Variants in BRINP3 observed in about 807,000 individuals in gnomAD.
BRINP3 encodes the protein BMP/retinoic acid-inducible neural-specific protein 3.
A neutral mutation model predicts 71.0 loss-of-function variants in BRINP3; 19 were observed. The observed-to-expected ratio is 0.27, with a 90% confidence interval of 0.19 to 0.39. The LOEUF (loss-of-function observed/expected upper bound fraction) is 0.39. Among genes scored for constraint, BRINP3 ranks in the 10% least tolerant of loss-of-function variants. The probability of loss-of-function intolerance (pLI) is 1.00; values close to 1 mark genes in which losing one functional copy is unlikely to be tolerated. For synonymous variants in BRINP3, 380 were observed against 337.7 expected (o/e 1.13, Z -1.37); for missense variants, 959 against 940.8 (o/e 1.02, Z -0.25).
rs567872427 is a variant in BRINP3, at chr1:190,475,447, G to A, written c.-51+2001C>T. Among the ~76,000 whole-genome samples, 3 of 152,312 alleles carry A rather than the reference G, an allele frequency of 2.0e-5. No homozygotes were observed. The East Asian group carries it at 5.8e-4, about 29-fold the overall frequency. On this transcript the variant is annotated intron_variant, in intron 1 of 7. Coordinates refer to ENST00000367462, the MANE Select transcript of BRINP3 (RefSeq NM_199051.3). ...CTGGCGCACCCCACTCTATGGGGCT[G>A]CAAATGCCCACACCAAGCACACGTT...
intron 7 of BRINP3, among the ~76,000 whole-genome samples, chr1:190,131,437 C>T (rs1654536978): frequency 6.6e-6 from 1 of 152,000 alleles, no homozygotes; most frequent in Non-Finnish European, 1.5e-5. Flanking sequence ...ATATCTCTGT[C>T]AATGTAGATT....
At chr1:190,452,626 CG>C (rs1675690262) in intron 2 of BRINP3, among the ~76,000 whole-genome samples, 1 of 152,078 alleles carries the variant, frequency 6.6e-6, no homozygotes, top group Non-Finnish European at 1.5e-5. Flanking sequence ...TAGGAGGCCA[CG>C]GCAGGCGGAT....
intron 6 of BRINP3, among the ~76,000 whole-genome samples, chr1:190,218,178 C>A (rs534476107): frequency 6.6e-6 from 1 of 151,650 alleles, no homozygotes; most frequent in African/African-American, 2.4e-5. Flanking sequence ...CCAAAAGAGC[C>A]TCCCAGACTC....
chr1:190,402,215 A>G (rs1671974915), intron 2 of BRINP3, among the ~76,000 whole-genome samples: 1 of 152,128 alleles, frequency 6.6e-6, no homozygotes, highest in South Asian at 2.1e-4. Flanking sequence ...TTTTTTCCTC[A>G]AAATGGAATT....
chr1:190,189,024 T>G (rs1653798094), intron 6 of BRINP3, among the ~76,000 whole-genome samples: 1 of 152,118 alleles, frequency 6.6e-6, no homozygotes. Context: ...CCTCCCAAAG[T>G]GCTGGGATTA....
At chr1:190,148,417 C>G (rs1212310478) in intron 7 of BRINP3, among the ~76,000 whole-genome samples, 1 of 151,614 alleles carries the variant, frequency 6.6e-6, no homozygotes, top group Non-Finnish European at 1.5e-5. Flanking sequence ...CACGGAGAAA[C>G]CCCATCTCTA....
At chr1:190,387,936 A>T (rs1276863165) in intron 2 of BRINP3, among the ~76,000 whole-genome samples, 3 of 151,868 alleles carry the variant, frequency 2.0e-5, no homozygotes, top group African/African-American at 7.2e-5. Context: ...TAAATCCAAA[A>T]TTAAACTATT....
At chr1:190,370,829 A>G (rs1462262103) in intron 2 of BRINP3, among the ~76,000 whole-genome samples, 6 of 152,146 alleles carry the variant, frequency 3.9e-5, no homozygotes, top group African/African-American at 1.4e-4. Context: ...CTTTTTGACA[A>G]TAGACTGTCT....
At chr1:190,312,627 T>A (rs1665614661) in intron 2 of BRINP3, among the ~76,000 whole-genome samples, 1 of 151,728 alleles carries the variant, frequency 6.6e-6, no homozygotes, top group Non-Finnish European at 1.5e-5. Context: ...TTTCCCAAAG[T>A]TACTGAAAGC....
At chr1:190,206,973 T>TG (rs1329091703) in intron 6 of BRINP3, among the ~76,000 whole-genome samples, 7 of 151,422 alleles carry the variant, frequency 4.6e-5, no homozygotes, top group African/African-American at 1.2e-4. Flanking sequence ...TTGGGTTTTT[T>TG]TTTTGTTTTG....
intron 7 of BRINP3, among the ~76,000 whole-genome samples, chr1:190,157,835 A>G (rs2102447680): frequency 6.6e-6 from 1 of 152,214 alleles, no homozygotes; most frequent in South Asian, 2.1e-4. Context: ...ACTGTATTTA[A>G]AAAGATGAAA....
chr1:190,247,500 G>C (rs756811122), intron 4 of BRINP3, among the ~76,000 whole-genome samples: 1 of 151,834 alleles, frequency 6.6e-6, no homozygotes, highest in South Asian at 2.1e-4. Flanking sequence ...GTACTTATTG[G>C]ATTTTTGAAA....
At chr1:190,111,715 G>T (rs1652712778) in intron 7 of BRINP3, among the ~76,000 whole-genome samples, 1 of 152,074 alleles carries the variant, frequency 6.6e-6, no homozygotes, top group South Asian at 2.1e-4. Flanking sequence ...AGCTGCAGGA[G>T]CCATCTTGCC....
At chr1:190,146,085 C>T (rs1476053240) in intron 7 of BRINP3, among the ~76,000 whole-genome samples, 1 of 152,004 alleles carries the variant, frequency 6.6e-6, no homozygotes, top group Non-Finnish European at 1.5e-5. Flanking sequence ...GGATCAAAGA[C>T]CACACATTGG....
At chr1:190,325,087 C>T (rs1056169545) in intron 2 of BRINP3, among the ~76,000 whole-genome samples, 4 of 151,774 alleles carry the variant, frequency 2.6e-5, no homozygotes. Flanking sequence ...AAATACAAGA[C>T]AGTTACAAAC....
In BRINP3 at chr1:190,281,398, T is replaced by C. The variant is rs139400659; in HGVS notation, c.427+162A>G. ...ATCTGCTTCACAACTGTGAACACTG[T>C]GTGGGACATTTAATAATCACTCAAA... On this transcript the variant is annotated intron_variant, in intron 3 of 7. Coordinates refer to ENST00000367462, the MANE Select transcript of BRINP3 (RefSeq NM_199051.3). 4.9e-3 allele frequency among the ~76,000 whole-genome samples: 746 copies of C among 152,114 alleles called. 6 individuals are homozygous for C. Among genetic ancestry groups the C allele is most frequent in the African/African-American group, 0.017 (701 of 41,546 alleles).
intron 4 of BRINP3, among the ~76,000 whole-genome samples, chr1:190,260,373 T>C (rs139711217): frequency 1.8e-4 from 27 of 152,226 alleles, no homozygotes; most frequent in African/African-American, 6.0e-4. Flanking sequence ...GTAGTAACCA[T>C]TTCACTATGT....
At chr1:190,306,045 A>G (rs183860722) in intron 2 of BRINP3, among the ~76,000 whole-genome samples, 1 of 152,012 alleles carries the variant, frequency 6.6e-6, no homozygotes, top group East Asian at 1.9e-4. Context: ...GACACCCTGT[A>G]AAAACAATGA....
At chr1:190,244,354 T>C (rs1659384535) in intron 4 of BRINP3, among the ~76,000 whole-genome samples, 1 of 152,118 alleles carries the variant, frequency 6.6e-6, no homozygotes, top group African/African-American at 2.4e-5. Flanking sequence ...TATAATTTTA[T>C]TTATCAAAAC....
Sources: allele counts gnomAD v4.1 joint callset (sites outside exome capture counted in the v4.1 genomes callset), GRCh38; gene constraint gnomAD v4.1.1; transcripts MANE v1.5; gene names NCBI Gene and HGNC (gene_info 2026-07-23, HGNC 2026-07-21).